The following HIPK1 variants were observed in gnomAD, a reference collection of about 807,000 sequenced individuals.
The protein encoded by HIPK1 is homeodomain interacting protein kinase 1.
HIPK1 carries 28 observed loss-of-function variants against 117.1 expected under a neutral mutation model. The ratio of observed to expected loss-of-function variants is 0.24; its 90% CI spans 0.18 to 0.33. The LOEUF is 0.33. HIPK1 is among the 10% of genes least tolerant of loss of function. HIPK1 has a pLI of 1.00. For missense variants in HIPK1, 1,122 were observed against 1,475.1 expected (o/e 0.76, Z 3.92); for synonymous variants, 605 against 562.5 (o/e 1.08, Z -1.07).
chr1:113,930,082 C>G (rs181872079), intron 1 of HIPK1: 24 of 933,958 alleles, frequency 2.6e-5, no homozygotes, highest in Non-Finnish European at 2.9e-5. Flanking sequence ...TGCCTGGGAC[C>G]GGGCGCCGCG....
At chr1:113,948,291 T>C (rs1671120182) in intron 2 of HIPK1, among the ~76,000 whole-genome samples, 1 of 152,124 alleles carries the variant, frequency 6.6e-6, no homozygotes, top group Admixed American at 6.5e-5. Flanking sequence ...TGAGACAGGG[T>C]CTCAGGCTGG....
chr1:113,967,041 T>C (rs929082808), intron 11 of HIPK1, among the ~76,000 whole-genome samples: 1 of 152,186 alleles, frequency 6.6e-6, no homozygotes, highest in Non-Finnish European at 1.5e-5. Context: ...TTGAGTTCCA[T>C]CCATGTTGTT....
intron 1 of HIPK1, among the ~76,000 whole-genome samples, chr1:113,940,138 A>G (rs1571658018): frequency 6.6e-6 from 1 of 152,212 alleles, no homozygotes; most frequent in Middle Eastern, 3.4e-3. Context: ...AAAATGTGGT[A>G]GACAATTGAA....
chr1:113,929,866 G>A, intron 1 of HIPK1: 1 of 987,698 alleles, frequency 1.0e-6, no homozygotes, highest in South Asian at 4.5e-5. Context: ...CGGCTGCGGG[G>A]CCCCAGATCT....
chr1:113,936,814 T>G (rs1571648319), intron 1 of HIPK1, among the ~76,000 whole-genome samples: 2 of 152,362 alleles, frequency 1.3e-5, no homozygotes, highest in South Asian at 2.1e-4. Flanking sequence ...TGCTACAAAC[T>G]GCAAATTTTC....
intron 2 of HIPK1, among the ~76,000 whole-genome samples, chr1:113,951,738 C>G (rs1277617534): frequency 2.0e-5 from 3 of 152,160 alleles, no homozygotes; most frequent in Non-Finnish European, 2.9e-5. Flanking sequence ...CTCTTACTGT[C>G]TCCATTTTAT....
At chr1:113,930,006 G>T (rs986498189) in intron 1 of HIPK1, 5 of 985,214 alleles carry the variant, frequency 5.1e-6, no homozygotes, top group African/African-American at 1.7e-5. Context: ...CTGAGGCGGG[G>T]CCGGGCCGGC....
intron 6 of HIPK1, 32 bp downstream of exon 6, chr1:113,956,843 T>C (rs1201718788): frequency 1.9e-6 from 3 of 1,594,346 alleles, no homozygotes; most frequent in Non-Finnish European, 2.6e-6. Flanking sequence ...GCTTTTGCCA[T>C]GTGGTTCTTT....
At position 113,977,394 on chromosome 1, in the gene HIPK1, T is replaced by C. The variant is rs1673192639; in HGVS notation, c.*3882T>C. 6.5e-6 allele frequency: 1 copy of C among 152,826 alleles called. No individual in the cohort carries two copies. The highest frequency in any genetic ancestry group is 2.1e-4 in the South Asian group (1 of 4,836). 9.5% of individuals were successfully genotyped at this position (152,826 alleles called of 1,614,324 possible). ...TTATATGTAATGTTAGTATTTCTGC[T>C]TTGAATCCTTGATATTGCAATGGAA... On this transcript the variant is annotated 3_prime_UTR_variant, in exon 16 of 16. Coordinates refer to ENST00000426820, the MANE Select transcript of HIPK1 (RefSeq NM_198268.3).
chr1:113,940,300 G>C (rs1558127056), intron 1 of HIPK1, 82 bp from the exon 2 acceptor site: 1 of 1,192,846 alleles, frequency 8.4e-7, no homozygotes, highest in Non-Finnish European at 1.2e-6. Flanking sequence ...AAGTAAAAGT[G>C]TGTGTGTGTG....
intron 3 of HIPK1, among the ~76,000 whole-genome samples, chr1:113,954,112 C>T (rs893205574): frequency 2.0e-5 from 3 of 152,158 alleles, no homozygotes; most frequent in African/African-American, 7.2e-5. Context: ...AGGTGCATGC[C>T]ACCTTGCCTA....
chr1:113,930,810 G>C (rs982007732), intron 1 of HIPK1: 2 of 152,258 alleles, frequency 1.3e-5, no homozygotes, highest in African/African-American at 4.8e-5. Context: ...GGGGGGTTCA[G>C]GATGGGAGGA....
At chr1:113,944,875 T>A (rs1670887728) in intron 2 of HIPK1, among the ~76,000 whole-genome samples, 1 of 152,036 alleles carries the variant, frequency 6.6e-6, no homozygotes, top group Admixed American at 6.6e-5. Context: ...TGAGACAGAG[T>A]CCCACTTTGT....
At chr1:113,932,431 GC>G (rs1426679770) in intron 1 of HIPK1, among the ~76,000 whole-genome samples, 1 of 149,476 alleles carries the variant, frequency 6.7e-6, no homozygotes, top group African/African-American at 2.5e-5. Context: ...AGGTCGGAGT[GC>G]CGTGGTGGGT....
intron 1 of HIPK1, among the ~76,000 whole-genome samples, chr1:113,938,440 G>A (rs1178088468): frequency 2.6e-5 from 4 of 152,050 alleles, no homozygotes; most frequent in African/African-American, 9.7e-5. Flanking sequence ...CCAAAGCAAT[G>A]AGAAACCCCG....
chr1:113,969,875 C>T, intron 13 of HIPK1, 81 bp from the exon 14 acceptor site: 1 of 1,524,354 alleles, frequency 6.6e-7, no homozygotes, highest in Non-Finnish European at 9.0e-7. Flanking sequence ...CCACTGCACT[C>T]CAGCCTGGGT....
In HIPK1 at chr1:113,969,939, AT is replaced by A. The variant is rs1672710596; in HGVS notation, c.2772-12del. The stretch of plus-strand genomic sequence containing the variant: ...AAAAAGAACAATTCAATTTTCATGT[AT>A]TTTTCTTTTCCTCAGCTCTGGACTG... On this transcript the variant is annotated splice_polypyrimidine_tract_variant and intron_variant, in intron 13 of 15. Coordinates refer to ENST00000426820, the MANE Select transcript of HIPK1 (RefSeq NM_198268.3). 6.2e-7 allele frequency: 1 copy of A among 1,613,298 alleles called. No homozygotes were observed. Among genetic ancestry groups the A allele is most frequent in the Non-Finnish European group, 8.5e-7 (1 of 1,179,366 alleles).
chr1:113,942,146 C>T (rs552805980), intron 2 of HIPK1, among the ~76,000 whole-genome samples: 138 of 151,922 alleles, frequency 9.1e-4, no homozygotes, highest in African/African-American at 3.1e-3. Context: ...GCAGCCTCCA[C>T]CTCCTGGGGT....
Position 113,963,512 on chromosome 1 carries a change from C to T in HIPK1, c.2229C>T (p.Ala743=), listed in dbSNP as rs372346135. 105 of 1,613,228 alleles carry T rather than the reference C, an allele frequency of 6.5e-5. 1 individual carries two copies. The highest frequency in any genetic ancestry group is 4.9e-4 in the Middle Eastern group (3 of 6,080). Residue 743 remains alanine, a synonymous_variant, in exon 10 of 16, where the codon GCC becomes GCT. Coordinates refer to ENST00000426820, the MANE Select transcript of HIPK1 (RefSeq NM_198268.3). ...AGRPALVEQT[A]AVLQAWPGGT... ...GGCCGGCGCTGGTTGAACAGACTGCCGCTGTACTGGTAATTCCCCTCACTT... is the reference window on the plus strand; with the variant it reads ...GGCCGGCGCTGGTTGAACAGACTGCTGCTGTACTGGTAATTCCCCTCACTT...
Sources: allele counts gnomAD v4.1 joint callset (sites outside exome capture counted in the v4.1 genomes callset), GRCh38; gene constraint gnomAD v4.1.1; transcripts MANE v1.5; gene names NCBI Gene and HGNC (gene_info 2026-07-23, HGNC 2026-07-21).